FBXO3: variants seen among roughly 807,000 people sequenced by gnomAD.
FBXO3 encodes F-box only protein 3.
Under a neutral mutation model 64.8 loss-of-function variants are expected in FBXO3, and 17 were observed. That is an observed-to-expected ratio of 0.26 (90% CI 0.18 to 0.39). The LOEUF (loss-of-function observed/expected upper bound fraction) is 0.39. FBXO3 is among the 10% of genes least tolerant of loss of function. The probability of loss-of-function intolerance (pLI) is 1.00; values close to 1 mark genes in which losing one functional copy is unlikely to be tolerated. For synonymous variants in FBXO3, 182 were observed against 201.6 expected (o/e 0.90, Z 0.82); for missense variants, 420 against 589.9 (o/e 0.71, Z 2.98).
intron 5 of FBXO3, 72 bp from the exon 6 acceptor site, chr11:33,754,572 T>C (rs1240822483): frequency 1.2e-4 from 166 of 1,348,558 alleles, no homozygotes; most frequent in Non-Finnish European, 1.7e-4. Flanking sequence ...TATCTGTATC[T>C]TTCCCTGGAG....
intron 1 of FBXO3, 184 bp downstream of exon 1, chr11:33,774,210 G>A: frequency 1.7e-6 from 1 of 575,052 alleles, no homozygotes; most frequent in Non-Finnish European, 3.0e-6. Flanking sequence ...GACTCAGGGC[G>A]AGGCCCTTTC....
In FBXO3 at chr11:33,741,870, C is replaced by T. The variant is rs768286161; in HGVS notation, c.*38G>A. On this transcript the variant is annotated 3_prime_UTR_variant, in exon 11 of 11. Coordinates refer to ENST00000265651, the MANE Select transcript of FBXO3 (RefSeq NM_012175.4). ...ATTATTGAGAAATCTATTTAACAGC[C>T]TAGAATCATCCTAGTGCTTCCATCA... The T allele has an allele frequency of 6.3e-7, 1 of 1,586,204 alleles. No homozygotes were observed. Among genetic ancestry groups the T allele is most frequent in the Admixed American group, 1.8e-5 (1 of 55,640 alleles).
intron 3 of FBXO3, among the ~76,000 whole-genome samples, chr11:33,765,835 C>T (rs1012235215): frequency 5.3e-5 from 8 of 152,106 alleles, no homozygotes; most frequent in African/African-American, 1.9e-4. Context: ...CTTGCTTTTG[C>T]CATGTGACAC....
chr11:33,746,454 T>C lies in FBXO3; in HGVS notation c.1239+676A>G, dbSNP rs1481597153. On this transcript the variant is annotated intron_variant, in intron 10 of 10. Transcript: ENST00000265651. ...GGATCAGATTAATATCATGTCCATC[T>C]TTCCAAACTTAAACCCATCCATCAG... 4 of 481,540 alleles carry C rather than the reference T, an allele frequency of 8.3e-6. No individual in the cohort carries two copies. In the Admixed American group the frequency reaches 1.0e-4, roughly 12 times the overall value. 29.8% of individuals were successfully genotyped at this position (481,540 alleles called of 1,614,324 possible).
chr11:33,763,015 A>G (rs1320778726), intron 3 of FBXO3, among the ~76,000 whole-genome samples: 1 of 152,226 alleles, frequency 6.6e-6, no homozygotes, highest in Non-Finnish European at 1.5e-5. Flanking sequence ...AAATAGATGA[A>G]GTGGACAATT....
intron 3 of FBXO3, among the ~76,000 whole-genome samples, chr11:33,764,174 T>C (rs960330135): frequency 6.6e-6 from 1 of 152,210 alleles, no homozygotes; most frequent in Admixed American, 6.5e-5. Flanking sequence ...TGGAGTACTA[T>C]ACTGCAGCCA....
chr11:33,765,704 G>A (rs1855351979), intron 3 of FBXO3, among the ~76,000 whole-genome samples: 1 of 152,076 alleles, frequency 6.6e-6, no homozygotes, highest in Admixed American at 6.5e-5. Flanking sequence ...ATCATGGGGT[G>A]GATTTTTTCT....
At position 33,774,472 on chromosome 11, in the gene FBXO3, G is replaced by T; in HGVS notation, c.26C>A (p.Ala9Glu). 1 of 1,585,134 alleles carries T rather than the reference G, an allele frequency of 6.3e-7. No homozygotes were observed. Among genetic ancestry groups the T allele is most frequent in the Non-Finnish European group, 8.6e-7 (1 of 1,166,434 alleles). Reference protein sequence around the residue: MAAMETETAPLTLESLPTD... With the variant: MAAMETETEPLTLESLPTD... ...GGGCAGCGACTCTAGGGTCAGCGGC[G>T]CCGTCTCGGTCTCCATGGCCGCCAT... is the stretch of plus-strand genomic sequence containing the variant. The change falls in exon 1 of 11, where the codon GCG becomes GAG. Residue 9 changes from alanine to glutamate, a missense_variant. Coordinates refer to ENST00000265651, the MANE Select transcript of FBXO3 (RefSeq NM_012175.4).
chr11:33,753,803 T>A (rs1467166398), intron 6 of FBXO3: 1 of 152,236 alleles, frequency 6.6e-6, no homozygotes, highest in East Asian at 1.9e-4. Context: ...TATATGTCAG[T>A]CAGTACCCTT....
At chr11:33,772,895 C>A (rs12295735) in intron 1 of FBXO3, 10 of 151,756 alleles carry the variant, frequency 6.6e-5, no homozygotes, top group African/African-American at 2.4e-4. Flanking sequence ...CAAATCAATT[C>A]TGCAGGAAGA....
chr11:33,745,586 G>A (rs569317291), intron 10 of FBXO3: 1 of 152,068 alleles, frequency 6.6e-6, no homozygotes, highest in Non-Finnish European at 1.5e-5. Context: ...AAAAGTCATA[G>A]ATCAAAATTA....
chr11:33,770,768 T>C lies in FBXO3; in HGVS notation c.167A>G (p.His56Arg), dbSNP rs148206575. ...LSSHDPLWRR[H>R]CKKYWLISEE... The stretch of plus-strand genomic sequence containing the variant: ...AGATATCAGCCAGTATTTTTTGCAA[T>C]GTCTTCTCCACAGCGGATCATGACT... Residue 56 changes from histidine (H) to arginine (R), a missense_variant, in exon 2 of 11, where the codon CAT (histidine) becomes CGT (arginine). Coordinates refer to ENST00000265651, the MANE Select transcript of FBXO3 (RefSeq NM_012175.4). The C allele has an allele frequency of 4.3e-6, 7 of 1,611,426 alleles. No homozygotes were observed. The highest frequency in any genetic ancestry group is 1.7e-6 in the Non-Finnish European group (2 of 1,178,202).
At chr11:33,766,930 A>G (rs1321584629) in intron 3 of FBXO3, among the ~76,000 whole-genome samples, 1 of 151,278 alleles carries the variant, frequency 6.6e-6, no homozygotes, top group Non-Finnish European at 1.5e-5. Flanking sequence ...TTATCTGACA[A>G]CCTCACTTCC....
At chr11:33,742,624 C>T (rs1195115916) in intron 10 of FBXO3, 1 of 152,102 alleles carries the variant, frequency 6.6e-6, no homozygotes, top group East Asian at 1.9e-4. Flanking sequence ...AATTATTAAG[C>T]TATATACTTA....
At chr11:33,757,656 T>TAAAAAAAAAAAACAAAAA (rs1855137361) in intron 4 of FBXO3, among the ~76,000 whole-genome samples, 1 of 23,980 alleles carries the variant, frequency 4.2e-5, no homozygotes, top group Non-Finnish European at 8.0e-5. Flanking sequence ...CACCATCTCT[T>TAAAAAAAAAAAACAAAAA]AAAAAAAAAA....
rs1474853782 is a variant in FBXO3, at chr11:33,747,330, A to G, written c.1049-10T>C. ...ATGATTGGAAATTCACCTGCAGGGA[A>G]AACAGTAACAATAAACCAAAGTATA... On this transcript the variant is annotated splice_polypyrimidine_tract_variant and intron_variant, in intron 9 of 10. Transcript: ENST00000265651. 6 of 1,603,702 alleles carry G rather than the reference A, an allele frequency of 3.7e-6. No homozygotes were observed.
rs1386094832 is a variant in FBXO3, at chr11:33,774,458, C to G, written c.40G>C (p.Glu14Gln). 6.3e-7 allele frequency: 1 copy of G among 1,596,532 alleles called. No individual in the cohort carries two copies. The highest frequency in any genetic ancestry group is 2.3e-5 in the East Asian group (1 of 42,752). ...AGCAGGGGATCGGTGGGCAGCGACT[C>G]TAGGGTCAGCGGCGCCGTCTCGGTC... is the stretch of plus-strand genomic sequence containing the variant. ...METETAPLTL[E>Q]SLPTDPLLLI... Residue 14 changes from glutamate (E) to glutamine (Q), a missense_variant, in exon 1 of 11, where the codon GAG becomes CAG. Coordinates refer to ENST00000265651, the MANE Select transcript of FBXO3 (RefSeq NM_012175.4).
At chr11:33,756,512 A>G (rs1019353610) in intron 4 of FBXO3, among the ~76,000 whole-genome samples, 1 of 152,234 alleles carries the variant, frequency 6.6e-6, no homozygotes, top group Non-Finnish European at 1.5e-5. Context: ...GAGATTCCTA[A>G]GTCTCAATGC....
chr11:33,757,045 C>A (rs749161773), intron 4 of FBXO3: 2 of 518,916 alleles, frequency 3.9e-6, no homozygotes, highest in Non-Finnish European at 7.7e-6. Flanking sequence ...GATTTGACTT[C>A]TGAATACCTT....
Sources: allele counts gnomAD v4.1 joint callset (sites outside exome capture counted in the v4.1 genomes callset), GRCh38; gene constraint gnomAD v4.1.1; transcripts MANE v1.5; gene names NCBI Gene and HGNC (gene_info 2026-07-23, HGNC 2026-07-21).